The following ERCC6 variants were observed in gnomAD, a reference collection of about 807,000 sequenced individuals.
ERCC6 encodes DNA excision repair protein ERCC-6.
Under a neutral mutation model 158.7 loss-of-function variants are expected in ERCC6, and 116 were observed. That is an observed-to-expected ratio of 0.73 (90% CI 0.63 to 0.85). The LOEUF (loss-of-function observed/expected upper bound fraction) is 0.85, where lower values mean the gene tolerates loss of function less well. Ranked by LOEUF, ERCC6 falls within the 40% of genes least tolerant of loss-of-function variation. The pLI is 0.00. For missense variants in ERCC6, 1,698 were observed against 1,799.4 expected, an observed-to-expected ratio of 0.94 and a Z score of 1.02; for synonymous variants, 678 against 659.3, an observed-to-expected ratio of 1.03 and a Z score of -0.43.
intron 7 of ERCC6, among the ~76,000 whole-genome samples, chr10:49,499,948 G>A (rs1851329411): frequency 6.6e-6 from 1 of 152,126 alleles, no homozygotes; most frequent in African/African-American, 2.4e-5. Context: ...GGGAAGGGCA[G>A]AAAACACAGG....
Position 49,458,973 on chromosome 10 carries a change from C to G in ERCC6, c.4324G>C (p.Asp1442His), listed in dbSNP as rs1398881251. Residue 1442 changes from aspartate (D) to histidine (H), a missense_variant, in exon 21 of 21, where the codon GAT (aspartate) becomes CAT (histidine). Physicochemically the swap from Asp to His is moderately conservative, Grantham distance 81 (BLOSUM62 -1). Coordinates refer to ENST00000355832, the MANE Select transcript of ERCC6 (RefSeq NM_000124.4). Reference protein sequence around the residue: ...RNFIAFQAHTDGQASTREILQ... With the variant: ...RNFIAFQAHTHGQASTREILQ... ...ATCTCCCTGGTGCTGGCCTGGCCAT[C>G]AGTGTGGGCCTGGAAAGCGATGAAG... The G allele has an allele frequency of 1.2e-6, 2 of 1,614,176 alleles. No homozygotes were observed. Among genetic ancestry groups the G allele is most frequent in the South Asian group, 1.1e-5 (1 of 91,080 alleles).
At chr10:49,473,658 T>C in intron 13 of ERCC6, 71 bp from the exon 14 acceptor site, 1 of 890,294 alleles carries the variant, frequency 1.1e-6, no homozygotes. Flanking sequence ...TCTATTTGTG[T>C]AAATGGTAAC....
chr10:49,446,553 A>C, the ERCC6 span, among the ~76,000 whole-genome samples: 1 of 152,166 alleles, frequency 6.6e-6, no homozygotes, highest in Non-Finnish European at 1.5e-5. Flanking sequence ...AAGCAGGAGG[A>C]TCACTTGAGC....
At chr10:49,516,949 A>C in intron 5 of ERCC6, 1 of 1,614,114 alleles carries the variant, frequency 6.2e-7, no homozygotes, top group Non-Finnish European at 8.5e-7. Context: ...TGCAACAAAG[A>C]ACCTGGCAGA....
intron 8 of ERCC6, 66 bp from the exon 9 acceptor site, chr10:49,483,582 C>T (rs981644142): frequency 7.1e-5 from 104 of 1,466,094 alleles, no homozygotes; most frequent in Non-Finnish European, 9.2e-5. Context: ...AATCATGACA[C>T]AATCTAAAGT....
At chr10:49,450,714 CTT>C (rs1400377453), downstream of ERCC6, among the ~76,000 whole-genome samples, 1 of 151,960 alleles carries the variant, frequency 6.6e-6, no homozygotes, top group Non-Finnish European at 1.5e-5. Flanking sequence ...AAGTTTTGCA[CTT>C]TTTGTTAAAT....
Position 49,482,707 on chromosome 10 carries a change from A to C in ERCC6, c.2149T>G (p.Ser717Ala). The change falls in exon 10 of 21, where the codon TCA (serine) becomes GCA (alanine). Residue 717 changes from serine to alanine, a missense_variant. Physicochemically the swap from Ser to Ala is moderately conservative, Grantham distance 99. Coordinates refer to ENST00000355832, the MANE Select transcript of ERCC6 (RefSeq NM_000124.4). ...TTTACCTGTACTGGGGAAGCATTTG[A>C]ATATCCCCCCATGGTGATGGGGACG... ...FSVPITMGGYSNASPVQVKTA... is the reference protein window; with the variant it reads ...FSVPITMGGYANASPVQVKTA... 1 of 1,614,034 alleles carries C rather than the reference A, an allele frequency of 6.2e-7. No homozygotes were observed. Among genetic ancestry groups the C allele is most frequent in the African/African-American group, 1.3e-5 (1 of 75,018 alleles).
chr10:49,537,210 G>A (rs888689086), intron 1 of ERCC6, among the ~76,000 whole-genome samples: 9 of 152,030 alleles, frequency 5.9e-5, no homozygotes, highest in African/African-American at 1.9e-4. Flanking sequence ...TGGGCATGGA[G>A]GCGCGCGCCT....
chr10:49,451,054 A>G (rs1233117034), downstream of ERCC6, among the ~76,000 whole-genome samples: 3 of 151,830 alleles, frequency 2.0e-5, no homozygotes, highest in Admixed American at 6.6e-5. Flanking sequence ...CTCATGATCC[A>G]CCTGCCTCGG....
intron 18 of ERCC6, among the ~76,000 whole-genome samples, chr10:49,468,799 G>A (rs961006356): frequency 5.3e-5 from 8 of 152,118 alleles, no homozygotes; most frequent in Non-Finnish European, 1.0e-4. Flanking sequence ...CTGATTCCAG[G>A]GCTGGCACAG....
downstream of ERCC6, among the ~76,000 whole-genome samples, chr10:49,451,063 G>A (rs564415032): frequency 2.2e-4 from 34 of 151,974 alleles, no homozygotes; most frequent in African/African-American, 7.0e-4. Context: ...CACCTGCCTC[G>A]GCCTCCCAAA....
intron 20 of ERCC6, chr10:49,459,887 A>G (rs1334035789): frequency 5.3e-6 from 1 of 189,130 alleles, no homozygotes; most frequent in Non-Finnish European, 1.1e-5. Flanking sequence ...GAAAGACCAG[A>G]AAGACTTCCA....
chr10:49,509,046 A>G (rs535303380), intron 5 of ERCC6, among the ~76,000 whole-genome samples: 1 of 152,282 alleles, frequency 6.6e-6, no homozygotes, highest in East Asian at 1.9e-4. Flanking sequence ...CCCAGGCACA[A>G]AAGTCTGAGC....
Position 49,476,278 on chromosome 10 carries a change from AT to A in ERCC6, c.2318del (p.His773LeufsTer28). ...AATCAACGAAATTTTGGTAGACTTT[AT>A]GCTGCTCATCTGTAAGACGGCAAAA... ...VLFCRLTDEQ[H>X]KVYQNFVDSK... On this transcript the variant is annotated frameshift_variant, in exon 12 of 21. Coordinates refer to ENST00000355832, the MANE Select transcript of ERCC6 (RefSeq NM_000124.4). LOFTEE classifies it high-confidence loss of function. 6.2e-7 allele frequency: 1 copy of A among 1,613,990 alleles called. No homozygotes were observed. The highest frequency in any genetic ancestry group is 2.2e-5 in the East Asian group (1 of 44,874).
At position 49,470,469 on chromosome 10, in the gene ERCC6, T is replaced by C. The variant is rs377711653; in HGVS notation, c.3491A>G (p.Gln1164Arg). The change falls in exon 18 of 21, where the codon CAA (glutamine) becomes CGA (arginine). Residue 1164 changes from glutamine to arginine, a missense_variant. Coordinates refer to ENST00000355832, the MANE Select transcript of ERCC6 (RefSeq NM_000124.4). ...TTTATTCTCCCAAAAAGCTTCTGTT[T>C]GAGCCTGGCTGGGTCTTTCTCTTTT... ...SYKRERPSQA[Q>R]TEAFWENKQM... 11 of 1,614,074 alleles carry C rather than the reference T, an allele frequency of 6.8e-6. No individual in the cohort carries two copies. The African/African-American group carries it at 9.3e-5, about 14-fold the overall frequency.
chr10:49,530,355 G>C (rs1333977482), intron 3 of ERCC6, among the ~76,000 whole-genome samples: 2 of 152,198 alleles, frequency 1.3e-5, no homozygotes, highest in East Asian at 3.9e-4. Flanking sequence ...ACTTAACTAT[G>C]GTTTGACTTA....
the ERCC6 span, among the ~76,000 whole-genome samples, chr10:49,436,198 T>C: frequency 6.6e-6 from 1 of 152,122 alleles, no homozygotes; most frequent in African/African-American, 2.4e-5. Flanking sequence ...TAAAAATTAA[T>C]TCTAGCTGGA....
intron 8 of ERCC6, 102 bp downstream of exon 8, chr10:49,493,015 A>G (rs1352458815): frequency 1.2e-5 from 15 of 1,209,952 alleles, no homozygotes; most frequent in Non-Finnish European, 1.8e-5. Context: ...GAAAAAAAAC[A>G]CAGGAATATA....
At position 49,474,843 on chromosome 10, in the gene ERCC6, C is replaced by T. The variant is rs112848557; in HGVS notation, c.2383-601G>A. 1.2e-4 allele frequency among the ~76,000 whole-genome samples: 18 copies of T among 152,212 alleles called. 1 individual carries two copies. Among genetic ancestry groups the T allele is most frequent in the African/African-American group, 3.9e-4 (16 of 41,536 alleles). Reference sequence around the variant, plus strand: ...GGGCACAGAAGACAAGGGGTGAGTGCCCCGGCCCATCCCCACAAAAGAACA... The same window carrying T: ...GGGCACAGAAGACAAGGGGTGAGTGTCCCGGCCCATCCCCACAAAAGAACA... On this transcript the variant is annotated intron_variant, in intron 12 of 20. Transcript: ENST00000355832.
Sources: allele counts gnomAD v4.1 joint callset (sites outside exome capture counted in the v4.1 genomes callset), GRCh38; gene constraint gnomAD v4.1.1; transcripts MANE v1.5; gene names NCBI Gene and HGNC (gene_info 2026-07-23, HGNC 2026-07-21).